The following ARHGAP35 variants were observed in gnomAD, a reference collection of about 807,000 sequenced individuals.
ARHGAP35 encodes the protein rho GTPase-activating protein 35.
A neutral mutation model predicts 111.1 loss-of-function variants in ARHGAP35; 15 were observed. That is an observed-to-expected ratio of 0.13 (90% CI 0.09 to 0.21). ARHGAP35 has a LOEUF of 0.21. ARHGAP35 is among the 10% of genes least tolerant of loss of function. The pLI, the probability that ARHGAP35 is intolerant of heterozygous loss-of-function variation, is 1.00. For missense variants in ARHGAP35, 1,262 were observed against 1,873.0 expected, an observed-to-expected ratio of 0.67 and a Z score of 6.02; for synonymous variants, 643 against 710.3, an observed-to-expected ratio of 0.91 and a Z score of 1.51.
Position 46,988,088 on chromosome 19 carries a change from C to A in ARHGAP35, c.3904+22C>A. 1 of 1,608,800 alleles carries A rather than the reference C, an allele frequency of 6.2e-7. No individual in the cohort carries two copies. The highest frequency in any genetic ancestry group is 8.5e-7 in the Non-Finnish European group (1 of 1,176,692). On this transcript the variant is annotated intron_variant, in intron 4 of 6. Coordinates refer to ENST00000672722, the MANE Select transcript of ARHGAP35 (RefSeq NM_004491.5). The surrounding 1 kb of genome is among the most constrained non-coding windows in gnomAD (Gnocchi z 5.4). Reference sequence around the variant, plus strand: ...CAAGGTAAAGTGCAGCCTGGCCAGGCATCCGAGGCCAGAGCTGGTCAAGGC... The same window carrying A: ...CAAGGTAAAGTGCAGCCTGGCCAGGAATCCGAGGCCAGAGCTGGTCAAGGC...
chr19:46,932,930 C>T (rs1390331951), intron 2 of ARHGAP35, among the ~76,000 whole-genome samples: 1 of 152,096 alleles, frequency 6.6e-6, no homozygotes, highest in East Asian at 1.9e-4. Context: ...TCTCTCTTAT[C>T]GCTCCCAATG....
chr19:46,900,081 C>A (rs1373502800), intron 1 of ARHGAP35, among the ~76,000 whole-genome samples: 1 of 152,146 alleles, frequency 6.6e-6, no homozygotes, highest in Admixed American at 6.5e-5. Flanking sequence ...TCTTAGTTCT[C>A]TCTTTTTTAT....
chr19:46,977,255 G>A (rs1459184443), intron 3 of ARHGAP35, among the ~76,000 whole-genome samples: 3 of 152,344 alleles, frequency 2.0e-5, no homozygotes, highest in Non-Finnish European at 1.5e-5. Context: ...CACATGACTG[G>A]CTGTGGCGAA....
intron 2 of ARHGAP35, among the ~76,000 whole-genome samples, chr19:46,928,588 C>CG (rs200262474): frequency 0.013 from 1,907 of 151,956 alleles, 16 homozygotes; most frequent in Middle Eastern, 0.02. Flanking sequence ...GTTGTCTTCT[C>CG]GGGGGGGTGG....
chr19:46,935,894 A>G (rs764747812), intron 2 of ARHGAP35, among the ~76,000 whole-genome samples: 2 of 152,208 alleles, frequency 1.3e-5, no homozygotes, highest in African/African-American at 4.8e-5. Context: ...GAGGCAGAGT[A>G]TCTCAGTATT....
rs768196593 is a variant in ARHGAP35, at chr19:46,873,796, TGGCGTGCAGTGGCA to T, written c.-189+12588_-189+12601del. ...GGAGTTTTGCCCTTGTTGCCCAGGC[TGGCGTGCAGTGGCA>T]CGATCTCGGCTCACTGCAACTTCCG... is the stretch of plus-strand genomic sequence containing the variant. On this transcript the variant is annotated intron_variant, in intron 1 of 6. Coordinates refer to ENST00000672722, the MANE Select transcript of ARHGAP35 (RefSeq NM_004491.5). Among the ~76,000 whole-genome samples the T allele has an allele frequency of 6.0e-3, 912 of 151,786 alleles. 3 individuals are homozygous for T. The highest frequency in any genetic ancestry group is 0.02 in the Middle Eastern group (6 of 294).
At chr19:46,970,725 G>A (rs971366401) in intron 3 of ARHGAP35, among the ~76,000 whole-genome samples, 1 of 152,186 alleles carries the variant, frequency 6.6e-6, no homozygotes, top group Non-Finnish European at 1.5e-5. Flanking sequence ...TCTAGTAAGG[G>A]TGAAGATTTC....
At chr19:46,936,130 G>A (rs1457241326) in intron 2 of ARHGAP35, among the ~76,000 whole-genome samples, 1 of 152,146 alleles carries the variant, frequency 6.6e-6, no homozygotes, top group African/African-American at 2.4e-5. Flanking sequence ...TGTGGTCCCA[G>A]CTTTGGGATG....
At chr19:46,888,319 A>ATATATAT (rs2056006031) in intron 1 of ARHGAP35, among the ~76,000 whole-genome samples, 1 of 51,182 alleles carries the variant, frequency 2.0e-5, no homozygotes, top group African/African-American at 7.8e-5. Flanking sequence ...TATATATATA[A>ATATATAT]AATATTGATT....
chr19:46,974,651 G>T (rs1410470093), intron 3 of ARHGAP35, among the ~76,000 whole-genome samples: 1 of 152,080 alleles, frequency 6.6e-6, no homozygotes, highest in Non-Finnish European at 1.5e-5. Context: ...GGGTGTTTAT[G>T]GCGTTTCTGT....
intron 3 of ARHGAP35, among the ~76,000 whole-genome samples, chr19:46,970,501 G>A (rs572904128): frequency 3.3e-5 from 5 of 152,254 alleles, no homozygotes; most frequent in South Asian, 2.1e-4. Context: ...ACATTACTGC[G>A]GAAATTTTGT....
chr19:46,895,227 G>A (rs1011278826), intron 1 of ARHGAP35, among the ~76,000 whole-genome samples: 1 of 150,604 alleles, frequency 6.6e-6, no homozygotes, highest in Non-Finnish European at 1.5e-5. Context: ...CCAGTGGCGC[G>A]ATCTCGGCTC....
At chr19:46,984,085 G>A (rs528994179) in intron 3 of ARHGAP35, among the ~76,000 whole-genome samples, 34 of 152,274 alleles carry the variant, frequency 2.2e-4, no homozygotes, top group African/African-American at 7.7e-4. Flanking sequence ...CAGCCAGTAG[G>A]GAGGGCTTTT....
rs2056760962 is a variant in ARHGAP35, at chr19:47,003,796, GA to G, written c.*3110del. 1 of 152,270 alleles carries G rather than the reference GA, an allele frequency of 6.6e-6. No individual in the cohort carries two copies. Among genetic ancestry groups the G allele is most frequent in the Non-Finnish European group, 1.5e-5 (1 of 68,078 alleles). The allele number at this position is 152,270 out of a possible 1,614,324, so 9.4% of individuals were successfully genotyped here. On this transcript the variant is annotated 3_prime_UTR_variant, in exon 7 of 7. Transcript: ENST00000672722. ...CATCATAGGAGCAGCTCGCTGGCCA[GA>G]AGGGGATGGGGGCATCCCTGTGCCT...
chr19:46,909,857 C>G (rs1477311244), intron 1 of ARHGAP35, among the ~76,000 whole-genome samples: 5 of 152,022 alleles, frequency 3.3e-5, no homozygotes, highest in South Asian at 2.1e-4. Flanking sequence ...TAATGGTGCA[C>G]TGCAGCCTTG....
At chr19:46,899,691 C>A (rs947913469) in intron 1 of ARHGAP35, among the ~76,000 whole-genome samples, 2 of 149,670 alleles carry the variant, frequency 1.3e-5, no homozygotes, top group Admixed American at 6.6e-5. Flanking sequence ...CAGAGTGAGA[C>A]CCTGTACAAA....
intron 3 of ARHGAP35, among the ~76,000 whole-genome samples, chr19:46,967,566 T>A (rs2056522586): frequency 6.6e-6 from 1 of 152,238 alleles, no homozygotes; most frequent in Non-Finnish European, 1.5e-5. Flanking sequence ...TTATGCACAC[T>A]GCTGCAAATA....
chr19:46,902,970 A>G (rs2056089242), intron 1 of ARHGAP35, among the ~76,000 whole-genome samples: 1 of 152,162 alleles, frequency 6.6e-6, no homozygotes, highest in Admixed American at 6.5e-5. Context: ...GTATGAACAG[A>G]TTATATATGT....
intron 1 of ARHGAP35, among the ~76,000 whole-genome samples, chr19:46,889,329 T>G (rs2056012264): frequency 6.6e-6 from 1 of 151,062 alleles, no homozygotes; most frequent in African/African-American, 2.4e-5. Flanking sequence ...TGTGGTGGCG[T>G]GTGCCTGTAG....
Sources: gnomAD v4.1 joint callset for allele counts (sites outside exome capture counted in the v4.1 genomes callset) on GRCh38, gnomAD v4.1.1 for gene constraint, Gnocchi (gnomAD v3.1) non-coding constraint, MANE v1.5 for transcripts, NCBI Gene and HGNC (gene_info 2026-07-23, HGNC 2026-07-21) for gene names.